The following SMC3 variants were observed in gnomAD, a reference collection of about 807,000 sequenced individuals.
SMC3 encodes structural maintenance of chromosomes 3.
SMC3 carries 20 observed loss-of-function variants against 171.8 expected under a neutral mutation model. The observed-to-expected ratio is 0.12, with a 90% confidence interval of 0.08 to 0.17. The LOEUF is 0.17. Among genes scored for constraint, SMC3 ranks in the 10% least tolerant of loss-of-function variants. The probability of loss-of-function intolerance (pLI) is 1.00; values close to 1 mark genes in which losing one functional copy is unlikely to be tolerated. For missense variants in SMC3, 543 were observed against 1,420.4 expected (o/e 0.38, Z 9.93); for synonymous variants, 464 against 451.1 (o/e 1.03, Z -0.36).
chr10:110,573,868 T>G, intron 3 of SMC3, 123 bp downstream of exon 3: 1 of 728,948 alleles, frequency 1.4e-6, no homozygotes, highest in Non-Finnish European at 2.4e-6. Context: ...TATATGGGGT[T>G]GCAGCTTAGT....
intron 3 of SMC3, among the ~76,000 whole-genome samples, chr10:110,574,834 A>C (rs981032109): frequency 9.9e-5 from 15 of 152,224 alleles, no homozygotes; most frequent in African/African-American, 3.4e-4. Flanking sequence ...AGCTCGGTAT[A>C]GTATAAGAAG....
rs560380690 is a variant in SMC3, at chr10:110,583,767, C to T, written c.970-74C>T. ...TGGGTTTTCTCATGAAGTTTTTTTC[C>T]TGAGAAAACATTTATGCTAGACCTA... On this transcript the variant is annotated intron_variant, in intron 11 of 28. Coordinates refer to ENST00000361804, the MANE Select transcript of SMC3 (RefSeq NM_005445.4). 9.8e-5 allele frequency: 149 copies of T among 1,519,734 alleles called. No homozygotes were observed. In the African/African-American group the frequency reaches 1.8e-3, roughly 18 times the overall value. The allele number at this position is 1,519,734 out of a possible 1,614,324, so 94.1% of individuals were successfully genotyped here.
intron 1 of SMC3, chr10:110,568,196 G>A (rs1275492944): frequency 5.0e-6 from 2 of 400,856 alleles, no homozygotes; most frequent in Non-Finnish European, 9.1e-6. Context: ...GAAGGGCTGT[G>A]TGGTCCTGCA....
intron 16 of SMC3, 147 bp from the exon 17 acceptor site, chr10:110,590,844 T>G: frequency 1.3e-6 from 1 of 764,968 alleles, no homozygotes; most frequent in Non-Finnish European, 2.1e-6. Flanking sequence ...AAAAACTGTT[T>G]GATGCTTAAG....
intron 2 of SMC3, among the ~76,000 whole-genome samples, chr10:110,569,437 A>G (rs1000672822): frequency 6.6e-6 from 1 of 152,122 alleles, no homozygotes; most frequent in Non-Finnish European, 1.5e-5. Flanking sequence ...TTGGAAGAGC[A>G]TAAACTTTGG....
Position 110,599,776 on chromosome 10 carries a change from A to T in SMC3, c.2391A>T (p.Val797=). Residue 797 remains valine (V), a synonymous_variant, in exon 21 of 29, where the codon GTA becomes GTT. Coordinates refer to ENST00000361804, the MANE Select transcript of SMC3 (RefSeq NM_005445.4). ...SQLSLEDQKR[V]DALNDEIRQL... ...TGAGTTTGGAAGATCAGAAGAGAGTAGATGCACTGAATGATGAGATTCGTC... is the reference window on the plus strand; with the variant it reads ...TGAGTTTGGAAGATCAGAAGAGAGTTGATGCACTGAATGATGAGATTCGTC... 2 of 1,614,160 alleles carry T rather than the reference A, an allele frequency of 1.2e-6. No homozygotes were observed. Among genetic ancestry groups the T allele is most frequent in the Non-Finnish European group, 1.7e-6 (2 of 1,180,008 alleles).
chr10:110,577,503 T>A lies in SMC3; in HGVS notation c.270+11T>A, dbSNP rs776155546. 2 of 1,582,732 alleles carry A rather than the reference T, an allele frequency of 1.3e-6. No homozygotes were observed. The highest frequency in any genetic ancestry group is 1.7e-5 in the Admixed American group (1 of 59,906). On this transcript the variant is annotated intron_variant, in intron 5 of 28. Coordinates refer to ENST00000361804, the MANE Select transcript of SMC3 (RefSeq NM_005445.4). Reference sequence around the variant, plus strand: ...GACAACCGGTTACCAGTAAGTAACTTTTTTTTTAAAGTAATGTTGAGAATT... The same window carrying A: ...GACAACCGGTTACCAGTAAGTAACTATTTTTTTAAAGTAATGTTGAGAATT...
chr10:110,593,472 T>C (rs541851773), intron 18 of SMC3, among the ~76,000 whole-genome samples: 2 of 152,068 alleles, frequency 1.3e-5, no homozygotes, highest in South Asian at 4.2e-4. Context: ...CTCAGGAGGC[T>C]GGGGCAGGAG....
chr10:110,596,368 A>G (rs1217797015), intron 18 of SMC3, 30 bp from the exon 19 acceptor site: 2 of 1,597,490 alleles, frequency 1.3e-6, no homozygotes, highest in Non-Finnish European at 1.7e-6. Flanking sequence ...AAAAAGTTGT[A>G]CAGACCTATT....
At chr10:110,603,374 AAAG>A (rs1413368547) in intron 28 of SMC3, 84 bp downstream of exon 28, 1 of 883,988 alleles carries the variant, frequency 1.1e-6, no homozygotes, top group Non-Finnish European at 1.8e-6. Context: ...TTAAATAGTG[AAAG>A]AAAACTTAGA....
At chr10:110,581,130 G>C in intron 8 of SMC3, 109 bp downstream of exon 8, 1 of 730,162 alleles carries the variant, frequency 1.4e-6, no homozygotes, top group East Asian at 2.6e-5. Context: ...GACAGCATTA[G>C]ATAATGCTGT....
Position 110,598,135 on chromosome 10 carries a change from A to G in SMC3, c.2117-4A>G, listed in dbSNP as rs963434993. 5.6e-6 allele frequency: 9 copies of G among 1,613,204 alleles called. No homozygotes were observed. Among genetic ancestry groups the G allele is most frequent in the African/African-American group, 4.0e-5 (3 of 74,926 alleles). On this transcript the variant is annotated splice_polypyrimidine_tract_variant and splice_region_variant and intron_variant, in intron 19 of 28. Transcript: ENST00000361804. Reference sequence around the variant, plus strand: ...TGGAGATAATTTTCCTTAGCCTTGTATATGGATTAATAATGAAATTGATCA... The same window carrying G: ...TGGAGATAATTTTCCTTAGCCTTGTGTATGGATTAATAATGAAATTGATCA...
chr10:110,601,770 A>G lies in SMC3; in HGVS notation c.2778A>G (p.Thr926=), dbSNP rs1262149293. ...NHDTKELEKM[T]NRQGMLLKKK... is the part of the protein sequence containing the mutation. ...ATACTAAAGAACTGGAAAAGATGACAAATCGGCAAGGCATGCTATTGAAGA... is the reference window on the plus strand; with the variant it reads ...ATACTAAAGAACTGGAAAAGATGACGAATCGGCAAGGCATGCTATTGAAGA... The change falls in exon 24 of 29, where the codon ACA becomes ACG. Residue 926 remains threonine (T), a synonymous_variant. Transcript: ENST00000361804. The G allele has an allele frequency of 6.2e-7, 1 of 1,613,846 alleles. No individual in the cohort carries two copies. Among genetic ancestry groups the G allele is most frequent in the Non-Finnish European group, 8.5e-7 (1 of 1,179,942 alleles).
intron 6 of SMC3, 23 bp from the exon 7 acceptor site, chr10:110,578,605 G>C: frequency 6.4e-7 from 1 of 1,568,862 alleles, no homozygotes; most frequent in Non-Finnish European, 8.7e-7. Flanking sequence ...TTATCGGAAA[G>C]TAATTTCATT....
At chr10:110,595,212 T>C (rs1210525884) in intron 18 of SMC3, among the ~76,000 whole-genome samples, 3 of 152,066 alleles carry the variant, frequency 2.0e-5, no homozygotes, top group Non-Finnish European at 4.4e-5. Context: ...ACTCCTGACC[T>C]CAGGTGATCT....
At chr10:110,585,290 A>T (rs1390115618) in intron 13 of SMC3, among the ~76,000 whole-genome samples, 4 of 123,644 alleles carry the variant, frequency 3.2e-5, no homozygotes, top group Admixed American at 8.3e-5. Flanking sequence ...GATAGTAACA[A>T]TTTTTTTTTT....
intron 7 of SMC3, among the ~76,000 whole-genome samples, chr10:110,579,230 A>G (rs1011748572): frequency 6.6e-6 from 1 of 152,118 alleles, no homozygotes; most frequent in Non-Finnish European, 1.5e-5. Flanking sequence ...GACTAGGGAA[A>G]ATTCTCAAAG....
chr10:110,577,976 C>A, intron 6 of SMC3, 62 bp downstream of exon 6: 2 of 1,140,152 alleles, frequency 1.8e-6, no homozygotes, highest in African/African-American at 1.5e-5. Context: ...TGGGGTATTG[C>A]TGTGTTGGCC....
intron 4 of SMC3, among the ~76,000 whole-genome samples, 184 bp from the exon 5 acceptor site, chr10:110,577,237 A>G (rs903134303): frequency 1.3e-5 from 2 of 152,228 alleles, no homozygotes; most frequent in East Asian, 3.9e-4. Context: ...GATATCCCCA[A>G]AGTATGTATC....
Sources: gnomAD v4.1 joint callset for allele counts (sites outside exome capture counted in the v4.1 genomes callset) on GRCh38, gnomAD v4.1.1 for gene constraint, MANE v1.5 for transcripts, NCBI Gene and HGNC (gene_info 2026-07-23, HGNC 2026-07-21) for gene names.